The following MKNK1 variants were observed in gnomAD, a reference collection of about 807,000 sequenced individuals.
MKNK1 encodes the protein MAPK interacting serine/threonine kinase 1, also known as MAP kinase-interacting serine/threonine-protein kinase 1.
In MKNK1, 30 loss-of-function variants were observed where a neutral mutation model predicts 49.3. The observed-to-expected ratio is 0.61, with a 90% CI of 0.46 to 0.83. The LOEUF is 0.83. MKNK1 is among the 40% of genes least tolerant of loss of function. The pLI is 0.00. For synonymous variants in MKNK1, 176 were observed against 201.7 expected (o/e 0.87, Z 1.08); for missense variants, 423 against 524.7 (o/e 0.81, Z 1.89).
At chr1:46,592,474 A>G (rs1673470704) in intron 2 of MKNK1, among the ~76,000 whole-genome samples, 1 of 152,178 alleles carries the variant, frequency 6.6e-6, no homozygotes, top group Admixed American at 6.5e-5. Flanking sequence ...CCACTGGCCT[A>G]GGTGATGGGG....
At chr1:46,587,813 G>A (rs983954887) in intron 2 of MKNK1, among the ~76,000 whole-genome samples, 5 of 150,516 alleles carry the variant, frequency 3.3e-5, no homozygotes, top group South Asian at 4.2e-4. Flanking sequence ...GTGAAACTCC[G>A]TCTCAAAAAA....
At chr1:46,574,797 G>C (rs941174214) in intron 6 of MKNK1, 150 bp downstream of exon 6, 2 of 581,780 alleles carry the variant, frequency 3.4e-6, no homozygotes, top group South Asian at 2.4e-5. Flanking sequence ...CCTTCCCTCC[G>C]GCCTCCCTTC....
In MKNK1 at chr1:46,558,606, C is replaced by T; in HGVS notation, c.1208G>A (p.Gly403Asp). The T allele has an allele frequency of 6.2e-7, 1 of 1,613,150 alleles. No homozygotes were observed. The highest frequency in any genetic ancestry group is 1.1e-5 in the South Asian group (1 of 90,892). The change falls in exon 13 of 13, where the codon GGT becomes GAT. Residue 403 changes from glycine (G) to aspartate (D), a missense_variant. Coordinates refer to ENST00000371945, the MANE Select transcript of MKNK1 (RefSeq NM_001135553.4). The stretch of plus-strand genomic sequence containing the variant: ...TGCTGTGGGCGGGCTCCTGTCTTCA[C>T]CACGGCCTGCCTGGGCCAGGGCCCG... ...RRRALAQAGR[G>D]EDRSPPTAL
chr1:46,576,347 G>A, intron 5 of MKNK1: 1 of 481,752 alleles, frequency 2.1e-6, no homozygotes, highest in South Asian at 2.4e-5. Context: ...CTTCTAACTT[G>A]CTTGAATTGA....
chr1:46,561,807 C>T lies in MKNK1; in HGVS notation c.805-165G>A. ...CTTCCCAGACTCACCCCGCACTGTCCCCTAGATGATCAAACTATATAGAAT... is the reference window on the plus strand; with the variant it reads ...CTTCCCAGACTCACCCCGCACTGTCTCCTAGATGATCAAACTATATAGAAT... On this transcript the variant is annotated intron_variant, in intron 10 of 12. Transcript: ENST00000371945. 7 of 696,410 alleles carry T rather than the reference C, an allele frequency of 1.0e-5. No individual in the cohort carries two copies. In the South Asian group the frequency reaches 1.2e-4, roughly 12 times the overall value. The allele number at this position is 696,410 out of a possible 1,614,324, so 43.1% of individuals were successfully genotyped here.
intron 10 of MKNK1, 35 bp from the exon 11 acceptor site, chr1:46,561,677 C>A: frequency 6.2e-7 from 1 of 1,606,762 alleles, no homozygotes; most frequent in Non-Finnish European, 8.5e-7. Context: ...GGCCACACTG[C>A]CAGGGATGGG....
chr1:46,568,489 T>C lies in MKNK1; in HGVS notation c.467A>G (p.His156Arg). The change falls in exon 8 of 13, where the codon CAT (histidine) becomes CGT (arginine). Residue 156 changes from histidine (H) to arginine (R), a missense_variant. Transcript: ENST00000371945. ...LDFLHTKGIA[H>R]RDLKPENILC... ...TATATTTTCTGGTTTCAGATCACGA[T>C]GAGCAATGCCTGACATGACAAAGAG... The C allele has an allele frequency of 3.1e-6, 5 of 1,614,106 alleles. No homozygotes were observed. The highest frequency in any genetic ancestry group is 4.2e-6 in the Non-Finnish European group (5 of 1,179,986).
intron 2 of MKNK1, among the ~76,000 whole-genome samples, chr1:46,586,999 G>A (rs1270826106): frequency 6.6e-6 from 1 of 152,116 alleles, no homozygotes; most frequent in Non-Finnish European, 1.5e-5. Flanking sequence ...TAGTAGAGAC[G>A]GGGTTTCGCC....
chr1:46,570,205 C>T (rs1669850339), intron 7 of MKNK1: 1 of 152,226 alleles, frequency 6.6e-6, no homozygotes, highest in Non-Finnish European at 1.5e-5. Context: ...CTGTTCCCTT[C>T]AGTGCATTCT....
chr1:46,560,297 T>C lies in MKNK1; in HGVS notation c.970-20A>G. On this transcript the variant is annotated intron_variant, in intron 11 of 12. Transcript: ENST00000371945. Reference sequence around the variant, plus strand: ...AGCTTGCTAGAATGGGAAGGACAGATGTGTAGGTAAAGCACTGCTCCCTCC... The same window carrying C: ...AGCTTGCTAGAATGGGAAGGACAGACGTGTAGGTAAAGCACTGCTCCCTCC... The C allele has an allele frequency of 6.2e-7, 1 of 1,613,912 alleles. No homozygotes were observed. The highest frequency in any genetic ancestry group is 8.5e-7 in the Non-Finnish European group (1 of 1,179,850).
chr1:46,588,087 C>T (rs1672835935), intron 2 of MKNK1, among the ~76,000 whole-genome samples: 1 of 152,184 alleles, frequency 6.6e-6, no homozygotes, highest in Admixed American at 6.5e-5. Context: ...GAGCAGGCAG[C>T]CAGTAGATTA....
At chr1:46,591,627 C>A (rs1673350030) in intron 2 of MKNK1, among the ~76,000 whole-genome samples, 2 of 152,124 alleles carry the variant, frequency 1.3e-5, no homozygotes. Flanking sequence ...GCGCTCAAGG[C>A]CCCCAAGCAC....
chr1:46,580,620 G>A lies in MKNK1; in HGVS notation c.108C>T (p.Tyr36=), dbSNP rs1671590885. 1 of 1,611,356 alleles carries A rather than the reference G, an allele frequency of 6.2e-7. No homozygotes were observed. The highest frequency in any genetic ancestry group is 8.5e-7 in the Non-Finnish European group (1 of 1,177,468). ...CTCCAAGCAATTCAGAGGTCAGCTT[G>A]TACATATCTAGAGGTGAAATGGATG... The part of the protein sequence containing the change: ...DSLPGKFEDM[Y]KLTSELLGEG... Residue 36 remains tyrosine, a synonymous_variant, in exon 4 of 13, where the codon TAC becomes TAT. Coordinates refer to ENST00000371945, the MANE Select transcript of MKNK1 (RefSeq NM_001135553.4).
chr1:46,591,910 T>C (rs1009948897), intron 2 of MKNK1, among the ~76,000 whole-genome samples: 3 of 152,194 alleles, frequency 2.0e-5, no homozygotes, highest in Non-Finnish European at 4.4e-5. Context: ...CTGACAATTT[T>C]TGCTACTTCA....
At chr1:46,571,059 A>G (rs567555391) in intron 7 of MKNK1, among the ~76,000 whole-genome samples, 1 of 152,372 alleles carries the variant, frequency 6.6e-6, no homozygotes, top group South Asian at 2.1e-4. Context: ...GCAAATTTAA[A>G]AAAAAGTATG....
intron 1 of MKNK1, among the ~76,000 whole-genome samples, chr1:46,596,660 T>C (rs1476473933): frequency 6.6e-6 from 1 of 152,194 alleles, no homozygotes; most frequent in East Asian, 1.9e-4. Flanking sequence ...ATCTATAAAA[T>C]GGGGCAATAA....
chr1:46,594,304 G>A (rs1047899563), intron 1 of MKNK1, 24 bp from the exon 2 acceptor site: 1 of 692,716 alleles, frequency 1.4e-6, no homozygotes, highest in Non-Finnish European at 2.6e-6. Context: ...AAATAGAAAG[G>A]AAATCAAAAT....
At chr1:46,558,873 C>G in intron 12 of MKNK1, 73 bp from the exon 13 acceptor site, 1 of 1,306,922 alleles carries the variant, frequency 7.7e-7, no homozygotes, top group Non-Finnish European at 1.1e-6. Context: ...CCGGGACACT[C>G]CCACTTGCTG....
At chr1:46,581,408 G>A (rs1198591679) in intron 3 of MKNK1, among the ~76,000 whole-genome samples, 2 of 151,538 alleles carry the variant, frequency 1.3e-5, no homozygotes, top group Non-Finnish European at 1.5e-5. Context: ...TATTTCGGGG[G>A]CTGAGGCAGG....
Sources: allele counts gnomAD v4.1 joint callset (sites outside exome capture counted in the v4.1 genomes callset), GRCh38; gene constraint gnomAD v4.1.1; transcripts MANE v1.5; gene names NCBI Gene and HGNC (gene_info 2026-07-23, HGNC 2026-07-21).